Variants in EPHB2 observed in about 807,000 individuals in gnomAD.
EPHB2 encodes ephrin type-B receptor 2.
Under a neutral mutation model 96.4 loss-of-function variants are expected in EPHB2, and 18 were observed. The observed-to-expected ratio is 0.19, with a 90% CI of 0.13 to 0.28. EPHB2 has a LOEUF of 0.28. Ranked by LOEUF, EPHB2 falls within the 10% of genes least tolerant of loss-of-function variation. The pLI, the probability that EPHB2 is intolerant of heterozygous loss-of-function variation, is 1.00. For synonymous variants in EPHB2, 506 were observed against 534.1 expected (o/e 0.95, Z 0.72); for missense variants, 989 against 1,355.4 (o/e 0.73, Z 4.25).
At chr1:22,819,378 T>C (rs955828445) in intron 3 of EPHB2, among the ~76,000 whole-genome samples, 1 of 152,294 alleles carries the variant, frequency 6.6e-6, no homozygotes, top group Admixed American at 6.5e-5. Flanking sequence ...TTGTGAAGAC[T>C]GAGGTCTTCT....
At chr1:22,797,563 C>G (rs1644784985) in intron 3 of EPHB2, among the ~76,000 whole-genome samples, 1 of 152,086 alleles carries the variant, frequency 6.6e-6, no homozygotes, top group Non-Finnish European at 1.5e-5. Context: ...GCTTCAAATG[C>G]CTTCTCTGGG....
chr1:22,875,233 G>T lies in EPHB2; in HGVS notation c.1304-7126G>T, dbSNP rs1638798736. Among the ~76,000 whole-genome samples, 1 of 152,226 alleles carries T rather than the reference G, an allele frequency of 6.6e-6. No individual in the cohort carries two copies. The highest frequency in any genetic ancestry group is 1.5e-5 in the Non-Finnish European group (1 of 68,046). On this transcript the variant is annotated intron_variant, in intron 5 of 15. Coordinates refer to ENST00000374630, the MANE Select transcript of EPHB2 (RefSeq NM_017449.5). The surrounding 1 kb of genome is among the most constrained non-coding windows in gnomAD (Gnocchi z 4.2). ...CAGAATTGCAGCCAGATCATCGGGG[G>T]TTAACTGCGTTGCTACGGGTTTAAG...
At position 22,888,333 on chromosome 1, in the gene EPHB2, G is replaced by A. The variant is rs761845012; in HGVS notation, c.1429-4551G>A. 8.5e-5 allele frequency among the ~76,000 whole-genome samples: 13 copies of A among 152,240 alleles called. No individual in the cohort carries two copies. In the South Asian group the frequency reaches 1.0e-3, roughly 12 times the overall value. ...TGGGATTACAGGCATGAGCCACTGC[G>A]CCTGGCCTCTATAATGGTTTTGATG... On this transcript the variant is annotated intron_variant, in intron 6 of 15. Transcript: ENST00000374630.
intron 3 of EPHB2, among the ~76,000 whole-genome samples, chr1:22,854,042 A>G (rs1481591833): frequency 6.6e-6 from 1 of 152,204 alleles, no homozygotes; most frequent in African/African-American, 2.4e-5. Flanking sequence ...GATGACTGAC[A>G]GCCCCTGGGT....
chr1:22,871,726 G>T (rs1475634813), intron 5 of EPHB2, among the ~76,000 whole-genome samples: 1 of 152,188 alleles, frequency 6.6e-6, no homozygotes, highest in Non-Finnish European at 1.5e-5. Context: ...AGGTTCAGAA[G>T]CCTAGCGTGG....
intron 5 of EPHB2, among the ~76,000 whole-genome samples, chr1:22,867,732 C>T (rs929345504): frequency 2.0e-5 from 3 of 152,052 alleles, no homozygotes; most frequent in Non-Finnish European, 4.4e-5. Flanking sequence ...ATTAGCCAGG[C>T]GTGGTGGTGA....
intron 1 of EPHB2, chr1:22,774,767 G>A (rs909846365): frequency 7.1e-6 from 2 of 281,004 alleles, no homozygotes; most frequent in African/African-American, 2.3e-5. Context: ...CAGCTGCTGT[G>A]TGGAGGTTGG....
At chr1:22,744,176 C>T (rs2148369648) in intron 1 of EPHB2, among the ~76,000 whole-genome samples, 1 of 151,850 alleles carries the variant, frequency 6.6e-6, no homozygotes, top group South Asian at 2.1e-4. Context: ...TCATATAACC[C>T]CCCCACCCCC....
At chr1:22,749,704 T>C (rs972298473) in intron 1 of EPHB2, among the ~76,000 whole-genome samples, 1 of 152,158 alleles carries the variant, frequency 6.6e-6, no homozygotes. Context: ...ACAGGGTGGC[T>C]TATGTCTACC....
At chr1:22,833,434 TG>T (rs1426415914) in intron 3 of EPHB2, among the ~76,000 whole-genome samples, 1 of 152,154 alleles carries the variant, frequency 6.6e-6, no homozygotes, top group East Asian at 1.9e-4. Flanking sequence ...AAGAGATTTT[TG>T]AAATAGTAGG....
chr1:22,769,878 T>G (rs1317135827), intron 1 of EPHB2, among the ~76,000 whole-genome samples: 1 of 150,652 alleles, frequency 6.6e-6, no homozygotes, highest in Non-Finnish European at 1.5e-5. Flanking sequence ...AGAAGAGAGG[T>G]AGGGAGGGAG....
rs374859277 is a variant in EPHB2 at position 22,870,918 on chromosome 1, T to A, written c.1303+5706T>A. Among the ~76,000 whole-genome samples the A allele has an allele frequency of 1.8e-3, 274 of 152,324 alleles. 1 individual carries two copies. Among genetic ancestry groups the A allele is most frequent in the African/African-American group, 6.3e-3 (260 of 41,570 alleles). ...GCTTCGCCCTCTCCTTACAGGAGGATTTAGCTGTGAGGATTTCAGCTAAGC... is the reference window on the plus strand; with the variant it reads ...GCTTCGCCCTCTCCTTACAGGAGGAATTAGCTGTGAGGATTTCAGCTAAGC... On this transcript the variant is annotated intron_variant, in intron 5 of 15. Transcript: ENST00000374630.
chr1:22,882,761 C>T, intron 6 of EPHB2: 2 of 403,500 alleles, frequency 5.0e-6, no homozygotes, highest in South Asian at 2.1e-5. Context: ...ATCCCTTTCC[C>T]TACCACGACC....
chr1:22,864,035 T>A (rs12070853), intron 4 of EPHB2, among the ~76,000 whole-genome samples: 3 of 7,182 alleles, frequency 4.2e-4, no homozygotes, highest in African/African-American at 4.3e-4. Context: ...GTTTCTGTTC[T>A]TTTTTTTTTT....
At chr1:22,808,731 G>T (rs1326941604) in intron 3 of EPHB2, among the ~76,000 whole-genome samples, 2 of 152,190 alleles carry the variant, frequency 1.3e-5, no homozygotes, top group African/African-American at 2.4e-5. Context: ...TATGACACGG[G>T]TATTAATCTT....
intron 3 of EPHB2, among the ~76,000 whole-genome samples, chr1:22,859,374 C>G (rs1347508193): frequency 2.0e-5 from 3 of 151,802 alleles, no homozygotes; most frequent in African/African-American, 4.8e-5. Context: ...CAAGTACCAG[C>G]CCCCTGGGGC....
chr1:22,863,311 A>G (rs1638344412), intron 4 of EPHB2, 119 bp downstream of exon 4: 1 of 1,526,786 alleles, frequency 6.5e-7, no homozygotes, highest in Non-Finnish European at 8.9e-7. Flanking sequence ...TGGTGGGAAG[A>G]GAAATGGAAA....
chr1:22,714,603 C>T (rs969003047), intron 1 of EPHB2, among the ~76,000 whole-genome samples: 7 of 151,966 alleles, frequency 4.6e-5, no homozygotes. Context: ...GAGTTTGGAT[C>T]AAATGCTGAG....
intron 3 of EPHB2, among the ~76,000 whole-genome samples, chr1:22,792,389 G>A (rs978010144): frequency 1.4e-4 from 22 of 152,144 alleles, no homozygotes; most frequent in Non-Finnish European, 2.6e-4. Flanking sequence ...GAAGGAGGGG[G>A]GACAGACAAC....
Sources: allele counts gnomAD v4.1 joint callset (sites outside exome capture counted in the v4.1 genomes callset), GRCh38; gene constraint gnomAD v4.1.1; non-coding constraint Gnocchi (gnomAD v3.1); transcripts MANE v1.5; gene names NCBI Gene and HGNC (gene_info 2026-07-23, HGNC 2026-07-21).